The following APBB2 variants were observed in gnomAD, a reference collection of about 807,000 sequenced individuals.
APBB2 encodes the protein amyloid beta precursor protein binding family B member 2, also known as Fe65-like 1.
In APBB2, 38 loss-of-function variants were observed where a neutral mutation model predicts 82.5. The ratio of observed to expected loss-of-function variants is 0.46; its 90% CI spans 0.36 to 0.60. The LOEUF (loss-of-function observed/expected upper bound fraction) is 0.60. APBB2 is among the 20% of genes least tolerant of loss of function. The probability of loss-of-function intolerance (pLI) is 0.00; values close to 1 mark genes in which losing one functional copy is unlikely to be tolerated. For missense variants in APBB2, 772 were observed against 972.3 expected (o/e 0.79, Z 2.74); for synonymous variants, 341 against 368.2 (o/e 0.93, Z 0.85).
chr4:41,031,603 A>G (rs181330972), intron 5 of APBB2, among the ~76,000 whole-genome samples: 2 of 152,334 alleles, frequency 1.3e-5, no homozygotes, highest in East Asian at 3.9e-4. Flanking sequence ...AGCATAACAA[A>G]ATATAGCAAG....
intron 12 of APBB2, among the ~76,000 whole-genome samples, chr4:40,834,472 T>A (rs1283945199): frequency 6.6e-6 from 1 of 152,184 alleles, no homozygotes; most frequent in Non-Finnish European, 1.5e-5. Context: ...AATCCAAGCA[T>A]CACTTGCCTG....
rs752297301 is a variant in APBB2, at chr4:40,890,465, C to T, written c.1428G>A (p.Glu476=). The change falls in exon 12 of 18, where the codon GAG becomes GAA. Residue 476 remains glutamate, a synonymous_variant. Coordinates refer to ENST00000508593, the MANE Select transcript of APBB2 (RefSeq NM_004307.2). The part of the protein sequence containing the change: ...GEGKDMYLIL[E]NDMLSLVDPM... ...GGTCCACCAGGCTGAGCATGTCATT[C>T]TCCAGGATCAGGTACATGTCTTTCC... The T allele has an allele frequency of 6.2e-6, 10 of 1,614,106 alleles. No individual in the cohort carries two copies. The South Asian group carries it at 7.7e-5, about 12-fold the overall frequency.
chr4:41,168,052 C>T (rs1352417108), intron 1 of APBB2, among the ~76,000 whole-genome samples: 15 of 152,098 alleles, frequency 9.9e-5, no homozygotes, highest in African/African-American at 3.6e-4. Flanking sequence ...GGGCGGATCA[C>T]GAGGTCAGGA....
chr4:41,083,089 C>T (rs777061449), intron 3 of APBB2, among the ~76,000 whole-genome samples: 3 of 152,064 alleles, frequency 2.0e-5, no homozygotes, highest in Non-Finnish European at 4.4e-5. Context: ...GGCGTGAACC[C>T]GGGAGGCGGA....
intron 13 of APBB2, 133 bp from the exon 14 acceptor site, chr4:40,827,352 C>A (rs1750300908): frequency 1.5e-6 from 1 of 666,558 alleles, no homozygotes; most frequent in Non-Finnish European, 2.6e-6. Context: ...TGAAGTCCCA[C>A]CCCTGCATCT....
chr4:41,075,597 G>C (rs994862041), intron 3 of APBB2, among the ~76,000 whole-genome samples: 7 of 152,158 alleles, frequency 4.6e-5, no homozygotes, highest in Non-Finnish European at 1.0e-4. Flanking sequence ...GGGGCTCTTA[G>C]AAAAGAATGT....
intron 5 of APBB2, among the ~76,000 whole-genome samples, chr4:41,016,405 T>C (rs2154431042): frequency 6.6e-6 from 1 of 152,344 alleles, no homozygotes; most frequent in African/African-American, 2.4e-5. Flanking sequence ...CTCACGCCTG[T>C]AATCCCAGCA....
intron 6 of APBB2, among the ~76,000 whole-genome samples, chr4:40,949,590 C>T (rs1161495613): frequency 2.6e-5 from 4 of 151,922 alleles, no homozygotes; most frequent in Non-Finnish European, 4.4e-5. Flanking sequence ...AGTGGACCAA[C>T]GAGACGAGAG....
intron 3 of APBB2, among the ~76,000 whole-genome samples, chr4:41,094,705 C>T (rs1485866322): frequency 6.6e-6 from 1 of 152,166 alleles, no homozygotes; most frequent in African/African-American, 2.4e-5. Context: ...GCTGGGATTA[C>T]AGGCACATGC....
chr4:41,048,148 T>C (rs974310603), intron 4 of APBB2, among the ~76,000 whole-genome samples: 3 of 152,306 alleles, frequency 2.0e-5, no homozygotes, highest in Admixed American at 6.5e-5. Context: ...ATAACACCAG[T>C]TGAGCATCCC....
intron 7 of APBB2, among the ~76,000 whole-genome samples, chr4:40,935,985 G>A (rs1277459393): frequency 6.6e-6 from 1 of 151,182 alleles, no homozygotes; most frequent in African/African-American, 2.5e-5. Context: ...TTTCATCTAA[G>A]ATTTGGGGAA....
chr4:41,108,091 A>G (rs1051573600), intron 2 of APBB2, among the ~76,000 whole-genome samples: 2 of 152,220 alleles, frequency 1.3e-5, no homozygotes, highest in African/African-American at 4.8e-5. Context: ...AATCTCTACA[A>G]CTAACTCAGA....
At chr4:41,199,156 T>TG (rs33926144) in intron 1 of APBB2, among the ~76,000 whole-genome samples, 29,299 of 151,998 alleles carry the variant, frequency 0.19, 3,773 homozygotes, top group African/African-American at 0.36. Context: ...GTTATATTTT[T>TG]GGGGGGGACA....
At chr4:41,013,264 G>A (rs542274574) in intron 6 of APBB2, among the ~76,000 whole-genome samples, 101 of 152,118 alleles carry the variant, frequency 6.6e-4, no homozygotes, top group African/African-American at 2.4e-3. Flanking sequence ...ATAGCATATA[G>A]AAATGATCTA....
At chr4:41,117,297 T>A (rs1016013264) in intron 2 of APBB2, among the ~76,000 whole-genome samples, 57 of 71,700 alleles carry the variant, frequency 7.9e-4, no homozygotes, top group Non-Finnish European at 1.3e-3. Flanking sequence ...TTATTATTAT[T>A]TTTTTTTTTT....
rs377623770 is a variant in APBB2 at position 40,821,943 on chromosome 4, G to T, written c.2040C>A (p.Arg680=). ...FAFIMDTGNQ[R]FECHVFWCEP... Reference sequence around the variant, plus strand: ...CGCACCAGAAAACGTGGCACTCAAAGCGCTGGTTCCCCGTGTCCATGATGA... The same window carrying T: ...CGCACCAGAAAACGTGGCACTCAAATCGCTGGTTCCCCGTGTCCATGATGA... The change falls in exon 17 of 18, where the codon CGC becomes CGA. Residue 680 remains arginine (R), a synonymous_variant. Transcript: ENST00000508593. 8.7e-6 allele frequency: 14 copies of T among 1,614,072 alleles called. No individual in the cohort carries two copies. The highest frequency in any genetic ancestry group is 1.3e-5 in the African/African-American group (1 of 74,912).
intron 2 of APBB2, chr4:41,137,954 G>A (rs985351826): frequency 1.2e-4 from 18 of 152,288 alleles, no homozygotes; most frequent in African/African-American, 2.2e-4. Flanking sequence ...GGATCATGAG[G>A]TCAGGAGATC....
At chr4:40,922,862 C>T (rs556900809) in intron 10 of APBB2, among the ~76,000 whole-genome samples, 1 of 152,212 alleles carries the variant, frequency 6.6e-6, no homozygotes, top group South Asian at 2.1e-4. Context: ...AAAGGATCCA[C>T]CCCGCTCGGC....
chr4:41,114,240 A>G (rs1186360908), intron 2 of APBB2, among the ~76,000 whole-genome samples: 3 of 152,238 alleles, frequency 2.0e-5, no homozygotes, highest in Non-Finnish European at 4.4e-5. Context: ...TTATCTCAAT[A>G]GATGCAGAAA....
Sources: gnomAD v4.1 joint callset for allele counts (sites outside exome capture counted in the v4.1 genomes callset) on GRCh38, gnomAD v4.1.1 for gene constraint, MANE v1.5 for transcripts, NCBI Gene and HGNC (gene_info 2026-07-23, HGNC 2026-07-21) for gene names.